Variants in UTRN observed in about 807,000 individuals in gnomAD.
UTRN encodes the protein utrophin.
In UTRN, 283 loss-of-function variants were observed where a neutral mutation model predicts 463.9. The ratio of observed to expected loss-of-function variants is 0.61; its 90% CI spans 0.55 to 0.67. The LOEUF is 0.67. UTRN is among the 30% of genes least tolerant of loss of function. UTRN has a pLI of 0.00. For synonymous variants in UTRN, 1,442 were observed against 1,431.5 expected (o/e 1.01, Z -0.17); for missense variants, 3,922 against 4,084.3 (o/e 0.96, Z 1.08).
At chr6:144,357,773 A>G (rs1778701815) in intron 2 of UTRN, among the ~76,000 whole-genome samples, 1 of 152,256 alleles carries the variant, frequency 6.6e-6, no homozygotes, top group African/African-American at 2.4e-5. Context: ...ATTGGTTGGT[A>G]ATAATAATTG....
rs146443751 is a variant in UTRN at position 144,563,451 on chromosome 6, G to A, written c.7289+6140G>A. Among the ~76,000 whole-genome samples, 19 of 152,174 alleles carry A rather than the reference G, an allele frequency of 1.2e-4. No homozygotes were observed. In the East Asian group the frequency reaches 3.7e-3, roughly 29 times the overall value. On this transcript the variant is annotated intron_variant, in intron 50 of 74. Coordinates refer to ENST00000367545, the MANE Select transcript of UTRN (RefSeq NM_007124.3). ...ACTTATATTGGGATTGTTTCATAAG[G>A]CCTGATATCAGCCAGGCTCAACCTT...
intron 2 of UTRN, among the ~76,000 whole-genome samples, chr6:144,354,766 C>A (rs1296172351): frequency 6.6e-6 from 1 of 152,140 alleles, no homozygotes; most frequent in Non-Finnish European, 1.5e-5. Context: ...TCTCTGCTTT[C>A]TCCTTCCCTG....
At chr6:144,506,566 T>C (rs1011340219) in intron 34 of UTRN, among the ~76,000 whole-genome samples, 4 of 152,222 alleles carry the variant, frequency 2.6e-5, no homozygotes, top group Admixed American at 2.6e-4. Context: ...AATTCTTTTC[T>C]TTAAGAATGT....
chr6:144,514,109 GCTCTAAGTTACTTAGCT>G (rs1795405679), intron 36 of UTRN, 72 bp downstream of exon 36: 1 of 1,579,600 alleles, frequency 6.3e-7, no homozygotes, highest in Non-Finnish European at 8.6e-7. Context: ...CTTCTGGAAT[GCTCTAAGTTACTTAGCT>G]CTCATTCCTC....
At chr6:144,647,363 G>T (rs1278720421) in intron 51 of UTRN, among the ~76,000 whole-genome samples, 2 of 152,160 alleles carry the variant, frequency 1.3e-5, no homozygotes, top group African/African-American at 4.8e-5. Flanking sequence ...AGGTTCTCCA[G>T]AACAGAGGAG....
At position 144,429,577 on chromosome 6, in the gene UTRN, T is replaced by C. The variant is rs780713651; in HGVS notation, c.695-4T>C. On this transcript the variant is annotated splice_polypyrimidine_tract_variant and splice_region_variant and intron_variant, in intron 8 of 74. Coordinates refer to ENST00000367545, the MANE Select transcript of UTRN (RefSeq NM_007124.3). The stretch of plus-strand genomic sequence containing the variant: ...AGCTGGTTCTTATATTCTTCCACTT[T>C]TAGATGTTGCCGTTCAGCTTCCTGA... 1 of 1,598,250 alleles carries C rather than the reference T, an allele frequency of 6.3e-7. No individual in the cohort carries two copies. The highest frequency in any genetic ancestry group is 8.5e-7 in the Non-Finnish European group (1 of 1,173,070).
intron 2 of UTRN, among the ~76,000 whole-genome samples, chr6:144,347,517 G>A (rs1409792397): frequency 6.6e-6 from 1 of 152,218 alleles, no homozygotes; most frequent in Non-Finnish European, 1.5e-5. Flanking sequence ...CAGGAAGTTG[G>A]AAGAAGATTG....
intron 35 of UTRN, among the ~76,000 whole-genome samples, chr6:144,512,430 C>A (rs1276098704): frequency 6.6e-6 from 1 of 152,104 alleles, no homozygotes; most frequent in East Asian, 1.9e-4. Flanking sequence ...TACTTAGAAT[C>A]CAGATCACTG....
Position 144,779,345 on chromosome 6 carries a change from A to G in UTRN, c.8633-2577A>G, listed in dbSNP as rs12207695. On this transcript the variant is annotated intron_variant, in intron 60 of 74. Coordinates refer to ENST00000367545, the MANE Select transcript of UTRN (RefSeq NM_007124.3). ...TGCTTCTGCCCTCTAGAGGTTTACA[A>G]TTGAAAACTGTGTACAGTTGACCCT... Among the ~76,000 whole-genome samples, 760 of 152,292 alleles carry G rather than the reference A, an allele frequency of 5.0e-3. 3 individuals carry two copies. Among genetic ancestry groups the G allele is most frequent in the Admixed American group, 7.3e-3 (112 of 15,294 alleles).
rs1332558425 is a variant in UTRN at position 144,456,692 on chromosome 6, T to TAATAATA, written c.2285-2073_2285-2072insTAAATAA. The stretch of plus-strand genomic sequence containing the variant: ...ATAATAATAATAATAATAATAATAA[T>TAATAATA]AATAAATAAAATAGTGTGTTTCATT... On this transcript the variant is annotated intron_variant, in intron 19 of 74. Coordinates refer to ENST00000367545, the MANE Select transcript of UTRN (RefSeq NM_007124.3). 1.1e-4 allele frequency among the ~76,000 whole-genome samples: 15 copies of TAATAATA among 138,866 alleles called. No homozygotes were observed. In the South Asian group the frequency reaches 1.2e-3, roughly 11 times the overall value. 91.1% of individuals were successfully genotyped at this position (138,866 alleles called of 152,430 possible).
intron 52 of UTRN, among the ~76,000 whole-genome samples, chr6:144,689,632 A>T (rs1783116456): frequency 1.3e-5 from 2 of 152,044 alleles, no homozygotes; most frequent in South Asian, 4.1e-4. Flanking sequence ...TCTGCAAGGG[A>T]TCCAGTGATG....
At chr6:144,516,431 TTC>T (rs763287632) in intron 38 of UTRN, 44 bp downstream of exon 38, 2 of 1,573,138 alleles carry the variant, frequency 1.3e-6, no homozygotes, top group African/African-American at 1.4e-5. Context: ...CTCATTTTTC[TTC>T]TCTATTAATT....
intron 50 of UTRN, among the ~76,000 whole-genome samples, chr6:144,575,451 A>G (rs1340819204): frequency 1.3e-5 from 2 of 152,242 alleles, no homozygotes; most frequent in African/African-American, 4.8e-5. Flanking sequence ...AGTCTATTAG[A>G]TATGCTGATT....
chr6:144,776,412 C>T (rs896713479), intron 60 of UTRN, among the ~76,000 whole-genome samples: 9 of 152,180 alleles, frequency 5.9e-5, no homozygotes, highest in African/African-American at 1.9e-4. Context: ...GGCTGTCTCT[C>T]ATTATGTGCA....
At chr6:144,671,723 C>T (rs1419223576) in intron 51 of UTRN, among the ~76,000 whole-genome samples, 1 of 152,046 alleles carries the variant, frequency 6.6e-6, no homozygotes, top group Non-Finnish European at 1.5e-5. Flanking sequence ...AGTGGACATC[C>T]TTGTCTTGTT....
intron 47 of UTRN, among the ~76,000 whole-genome samples, chr6:144,549,470 G>A (rs113636399): frequency 6.6e-6 from 1 of 152,254 alleles, no homozygotes; most frequent in African/African-American, 2.4e-5. Flanking sequence ...TATTGTACAC[G>A]TTATCTCATT....
At position 144,836,463 on chromosome 6, in the gene UTRN, G is replaced by A. The variant is rs776263002; in HGVS notation, c.9987G>A (p.Glu3329=). Residue 3329 remains glutamate (E), a synonymous_variant, in exon 71 of 75, where the codon GAG becomes GAA. Transcript: ENST00000367545. ...TCAGGCAGCACAAAGGTCGGCTGGA[G>A]GCTAGGATGCAGATTTTAGAAGATC... is the stretch of plus-strand genomic sequence containing the variant. ...KLLRQHKGRL[E]ARMQILEDHN... is the part of the protein sequence containing the mutation. The A allele has an allele frequency of 8.7e-6, 14 of 1,613,928 alleles. No homozygotes were observed. Among genetic ancestry groups the A allele is most frequent in the Middle Eastern group, 1.6e-4 (1 of 6,082 alleles).
chr6:144,635,514 C>CTTTTTT lies in UTRN; in HGVS notation c.7480-42882_7480-42877dup, dbSNP rs1402815648. On this transcript the variant is annotated intron_variant, in intron 51 of 74. Transcript: ENST00000367545. ...TACTTAGCAGCTAGCCTTTTTTTTTCTTTTTTTTTTTTTTTCTTTTCTTTT... is the reference window on the plus strand; with the variant it reads ...TACTTAGCAGCTAGCCTTTTTTTTTCTTTTTTTTTTTTTTTTTTTTTCTTTTCTTTT... Among the ~76,000 whole-genome samples, 614 of 79,854 alleles carry CTTTTTT rather than the reference C, an allele frequency of 7.7e-3. 1 individual carries two copies. The highest frequency in any genetic ancestry group is 0.01 in the Non-Finnish European group (465 of 44,976). The allele number at this position is 79,854 out of a possible 152,430, so 52.4% of individuals were successfully genotyped here. A position where few individuals can be genotyped will look rare whatever the true frequency, so the allele number is the denominator to read the frequency against.
Position 144,771,904 on chromosome 6 carries a change from C to T in UTRN, c.8496-3C>T, listed in dbSNP as rs748782746. 1.9e-6 allele frequency: 3 copies of T among 1,577,572 alleles called. No individual in the cohort carries two copies. Among genetic ancestry groups the T allele is most frequent in the South Asian group, 2.4e-5 (2 of 83,680 alleles). On this transcript the variant is annotated splice_polypyrimidine_tract_variant and splice_region_variant and intron_variant, in intron 58 of 74. Coordinates refer to ENST00000367545, the MANE Select transcript of UTRN (RefSeq NM_007124.3). ...TTTTTAAAATTTTACCTTTTTTTTCCAGCCATCAAACACAGACCACCTGTT... is the reference window on the plus strand; with the variant it reads ...TTTTTAAAATTTTACCTTTTTTTTCTAGCCATCAAACACAGACCACCTGTT...
Sources: gnomAD v4.1 joint callset for allele counts (sites outside exome capture counted in the v4.1 genomes callset) on GRCh38, gnomAD v4.1.1 for gene constraint, MANE v1.5 for transcripts, NCBI Gene and HGNC (gene_info 2026-07-23, HGNC 2026-07-21) for gene names.